The following ARID1B variants were observed in gnomAD, a reference collection of about 807,000 sequenced individuals.
The protein encoded by ARID1B is AT-rich interaction domain 1B.
A neutral mutation model predicts 212.3 loss-of-function variants in ARID1B; 30 were observed. The ratio of observed to expected loss-of-function variants is 0.14; its 90% CI spans 0.11 to 0.19. The LOEUF (loss-of-function observed/expected upper bound fraction) is 0.19. Ranked by LOEUF, ARID1B falls within the 10% of genes least tolerant of loss-of-function variation. ARID1B has a pLI of 1.00. For synonymous variants in ARID1B, 1,402 were observed against 1,301.7 expected (o/e 1.08, Z -1.66); for missense variants, 2,891 against 3,204.0 (o/e 0.90, Z 2.36).
chr6:156,844,608 ACT>A (rs1784105926), intron 2 of ARID1B, among the ~76,000 whole-genome samples: 1 of 152,118 alleles, frequency 6.6e-6, no homozygotes, highest in Non-Finnish European at 1.5e-5. Context: ...TATACTCAAC[ACT>A]CTGAGTGTTT....
At chr6:156,783,886 A>T (rs1779453001) in intron 1 of ARID1B, among the ~76,000 whole-genome samples, 1 of 152,114 alleles carries the variant, frequency 6.6e-6, no homozygotes, top group African/African-American at 2.4e-5. Flanking sequence ...AGGGACTGAT[A>T]TTTCACTCGT....
chr6:157,066,640 C>T (rs1052675040), intron 4 of ARID1B, among the ~76,000 whole-genome samples: 1 of 152,040 alleles, frequency 6.6e-6, no homozygotes, highest in Non-Finnish European at 1.5e-5. Context: ...TTAGTCCCTT[C>T]GTTAGGATAC....
upstream of ARID1B, among the ~76,000 whole-genome samples, chr6:156,776,197 G>C (rs1562370968): frequency 6.6e-6 from 1 of 152,072 alleles, no homozygotes; most frequent in Non-Finnish European, 1.5e-5. Flanking sequence ...AGTACAAGTG[G>C]GTCATTGCCT....
intron 7 of ARID1B, among the ~76,000 whole-genome samples, chr6:157,141,882 G>A (rs1003215562): frequency 2.6e-5 from 4 of 152,118 alleles, no homozygotes; most frequent in East Asian, 1.9e-4. Context: ...TTATAAACAC[G>A]TACTTACCAT....
intron 2 of ARID1B, among the ~76,000 whole-genome samples, chr6:156,869,232 T>G (rs934302574): frequency 5.3e-5 from 8 of 152,234 alleles, no homozygotes; most frequent in African/African-American, 1.9e-4. Context: ...TTTTAGCTGT[T>G]TTTTCTAATG....
Position 157,207,385 on chromosome 6 carries a change from G to A in ARID1B, c.6613G>A (p.Val2205Met). The A allele has an allele frequency of 6.2e-7, 1 of 1,614,182 alleles. No individual in the cohort carries two copies. The change falls in exon 20 of 20, where the codon GTG (valine) becomes ATG (methionine). Residue 2205 changes from valine (V) to methionine (M), a missense_variant. This residue lies in a region of ARID1B where 187 missense variants were observed against 306.5 expected (regional missense o/e 0.61). Transcript: ENST00000636930. The surrounding 1 kb of genome is among the most constrained non-coding windows in gnomAD (Gnocchi z 8.5). ...CTCGGTCCTGTCGCCTCAGAGACTT[G>A]TGCTGGAGACCCTCTGTAAACTCAG... Reference protein sequence around the residue: ...PNSVLSPQRLVLETLCKLSIQ... With the variant: ...PNSVLSPQRLMLETLCKLSIQ...
At chr6:157,072,035 A>G (rs1406488370) in intron 4 of ARID1B, 2 of 152,370 alleles carry the variant, frequency 1.3e-5, no homozygotes, top group East Asian at 3.9e-4. Context: ...TCAAATGTGC[A>G]AAGTATGCAT....
chr6:157,103,314 C>T (rs75794787), intron 5 of ARID1B, among the ~76,000 whole-genome samples: 2,713 of 151,710 alleles, frequency 0.018, 90 homozygotes, highest in African/African-American at 0.063. Flanking sequence ...TATAATATAG[C>T]GGGGAACCAA....
intron 4 of ARID1B, among the ~76,000 whole-genome samples, chr6:157,073,644 T>TG (rs934015120): frequency 2.0e-5 from 3 of 152,300 alleles, no homozygotes; most frequent in African/African-American, 7.2e-5. Flanking sequence ...TTTCTCTATT[T>TG]GGGGGGTGGT....
intron 8 of ARID1B, chr6:157,152,136 C>A (rs889598255): frequency 6.6e-6 from 1 of 152,226 alleles, no homozygotes; most frequent in Non-Finnish European, 1.5e-5. Flanking sequence ...AGCAAGCATT[C>A]ATCATCTGCA....
At chr6:157,075,451 A>T (rs1784242491) in intron 4 of ARID1B, among the ~76,000 whole-genome samples, 1 of 152,202 alleles carries the variant, frequency 6.6e-6, no homozygotes, top group African/African-American at 2.4e-5. Context: ...CATATATATC[A>T]CCCAAAATGT....
rs2114961096 is a variant in ARID1B at position 156,778,068 on chromosome 6, G to T, written c.388G>T (p.Ala130Ser). 3 of 1,538,746 alleles carry T rather than the reference G, an allele frequency of 1.9e-6. No individual in the cohort carries two copies. The highest frequency in any genetic ancestry group is 1.7e-6 in the Non-Finnish European group (2 of 1,146,266). The change falls in exon 1 of 20, where the codon GCA (alanine) becomes TCA (serine). Residue 130 changes from alanine to serine, a missense_variant. Transcript: ENST00000636930. Reference sequence around the variant, plus strand: ...CTCCTCCTCCGCGGCGGCAGCGGCGGCATCCTCTTCCTCCTCGTCGGGCCC... The same window carrying T: ...CTCCTCCTCCGCGGCGGCAGCGGCGTCATCCTCTTCCTCCTCGTCGGGCCC... ...SSSSSAAAAA[A>S]SSSSSSGPGS...
intron 2 of ARID1B, among the ~76,000 whole-genome samples, chr6:156,854,631 C>G (rs978771955): frequency 1.3e-5 from 2 of 152,264 alleles, no homozygotes; most frequent in African/African-American, 4.8e-5. Context: ...TTACAGCCTG[C>G]TGCTGTAAAC....
chr6:157,141,786 G>T (rs1789373125), intron 7 of ARID1B, among the ~76,000 whole-genome samples: 1 of 152,076 alleles, frequency 6.6e-6, no homozygotes, highest in Non-Finnish European at 1.5e-5. Flanking sequence ...TTTTAAGTTG[G>T]AATATCAAGT....
chr6:157,110,718 T>C (rs1269916362), intron 6 of ARID1B, 157 bp downstream of exon 6: 1 of 733,632 alleles, frequency 1.4e-6, no homozygotes, highest in Non-Finnish European at 2.3e-6. Flanking sequence ...CCAACAAATA[T>C]GGAGAGGAGG....
At chr6:157,084,244 A>G (rs942037347) in intron 4 of ARID1B, among the ~76,000 whole-genome samples, 2 of 152,106 alleles carry the variant, frequency 1.3e-5, no homozygotes, top group African/African-American at 4.8e-5. Context: ...ACCAGTGTCA[A>G]ATTCTGAAAA....
At chr6:156,802,484 T>C (rs1780858212) in intron 1 of ARID1B, among the ~76,000 whole-genome samples, 1 of 152,174 alleles carries the variant, frequency 6.6e-6, no homozygotes, top group South Asian at 2.1e-4. Flanking sequence ...ATCATATACT[T>C]TTTAGTTTTA....
Position 157,164,034 on chromosome 6 carries a change from A to G in ARID1B, c.3090-3006A>G, listed in dbSNP as rs113797221. On this transcript the variant is annotated intron_variant, in intron 8 of 19. Coordinates refer to ENST00000636930, the MANE Select transcript of ARID1B (RefSeq NM_001374828.1). ...TCCACCTACCTTCCTCCAGGAATCTAAAACATTAAATGTGTATGCCTAGAA... is the reference window on the plus strand; with the variant it reads ...TCCACCTACCTTCCTCCAGGAATCTGAAACATTAAATGTGTATGCCTAGAA... Among the ~76,000 whole-genome samples the G allele has an allele frequency of 4.8e-3, 735 of 152,358 alleles. 9 individuals carry two copies. Among genetic ancestry groups the G allele is most frequent in the African/African-American group, 0.017 (701 of 41,580 alleles).
intron 4 of ARID1B, among the ~76,000 whole-genome samples, chr6:157,066,381 G>A (rs1209381259): frequency 6.6e-6 from 1 of 152,082 alleles, no homozygotes; most frequent in East Asian, 1.9e-4. Flanking sequence ...TGTAATAACT[G>A]TTTTCTGAGG....
Sources: gnomAD v4.1 joint callset for allele counts (sites outside exome capture counted in the v4.1 genomes callset) on GRCh38, gnomAD v4.1.1 for gene constraint, gnomAD v4.1.1 regional missense constraint, Gnocchi (gnomAD v3.1) non-coding constraint, MANE v1.5 for transcripts, NCBI Gene and HGNC (gene_info 2026-07-23, HGNC 2026-07-21) for gene names.